ZNF362: variants seen among roughly 807,000 people sequenced by gnomAD.
ZNF362 encodes zinc finger protein 362.
In ZNF362, 11 loss-of-function variants were observed where a neutral mutation model predicts 42.9. The ratio of observed to expected loss-of-function variants is 0.26; its 90% CI spans 0.16 to 0.42. ZNF362 has a LOEUF of 0.42. ZNF362 is among the 20% of genes least tolerant of loss of function. The pLI is 1.00. For synonymous variants in ZNF362, 255 were observed against 257.3 expected (o/e 0.99, Z 0.09); for missense variants, 362 against 576.2 (o/e 0.63, Z 3.81).
At chr1:33,221,095 C>T in the ZNF362 span, among the ~76,000 whole-genome samples, 2 of 152,046 alleles carry the variant, frequency 1.3e-5, no homozygotes, top group Non-Finnish European at 2.9e-5. Context: ...TGCTGGGGGG[C>T]GGGGTGCCGA....
the ZNF362 span, among the ~76,000 whole-genome samples, chr1:33,160,451 C>G: frequency 6.6e-6 from 1 of 152,070 alleles, no homozygotes; most frequent in Non-Finnish European, 1.5e-5. Context: ...GTCACCCAGG[C>G]TGGAGTGTGA....
the ZNF362 span, among the ~76,000 whole-genome samples, chr1:33,227,860 CT>C: frequency 0.71 from 106,708 of 150,962 alleles, 37,793 homozygotes; most frequent in Admixed American, 0.74. Flanking sequence ...GGGAAGGGAT[CT>C]TTTTTTTTTC....
In ZNF362 at chr1:33,281,003, A is replaced by G. The variant is rs1645989737; in HGVS notation, c.683+546A>G. Among the ~76,000 whole-genome samples, 1 of 152,170 alleles carries G rather than the reference A, an allele frequency of 6.6e-6. No homozygotes were observed. The highest frequency in any genetic ancestry group is 1.5e-5 in the Non-Finnish European group (1 of 68,026). ...AGAATAACTCGAACTTGGGAGGCAG[A>G]GGCTGCAGTGAGCCGAGGTCGGGCC... On this transcript the variant is annotated intron_variant, in intron 5 of 8. Transcript: ENST00000539719. This position sits in a 1 kb window ranked among gnomAD's most constrained non-coding sequence, Gnocchi z 4.8.
the ZNF362 span, among the ~76,000 whole-genome samples, chr1:33,223,937 G>A: frequency 6.6e-6 from 1 of 151,296 alleles, no homozygotes; most frequent in Non-Finnish European, 1.5e-5. Context: ...GACCAGCTTT[G>A]GATCAGCTTA....
chr1:33,276,327 C>T lies in ZNF362; in HGVS notation c.103-21C>T, dbSNP rs1046465623. On this transcript the variant is annotated intron_variant, in intron 3 of 8. Coordinates refer to ENST00000539719, the MANE Select transcript of ZNF362 (RefSeq NM_152493.3). ...CGGGAGGTGGTCCAGACCTCCTCAG[C>T]CCGTCCTCTTCTTCCCGCAGCTGGA... 5.2e-6 allele frequency: 8 copies of T among 1,544,564 alleles called. No individual in the cohort carries two copies. In the African/African-American group the frequency reaches 5.5e-5, roughly 11 times the overall value.
chr1:33,249,513 C>CA, the ZNF362 span, among the ~76,000 whole-genome samples: 1 of 152,206 alleles, frequency 6.6e-6, no homozygotes, highest in African/African-American at 2.4e-5. Flanking sequence ...AAATGATACT[C>CA]AGAGTCTCCC....
At chr1:33,152,498 C>T in the ZNF362 span, among the ~76,000 whole-genome samples, 2 of 145,030 alleles carry the variant, frequency 1.4e-5, no homozygotes, top group East Asian at 2.2e-4. Context: ...ATCTGGGAGG[C>T]GGAGGTTGTG....
At chr1:33,135,142 T>C in the ZNF362 span, among the ~76,000 whole-genome samples, 1 of 152,094 alleles carries the variant, frequency 6.6e-6, no homozygotes, top group African/African-American at 2.4e-5. Context: ...AAAAAAAATT[T>C]AGCCGGGCAT....
intron 1 of ZNF362, among the ~76,000 whole-genome samples, 196 bp downstream of exon 1, chr1:33,256,850 G>T (rs1444050856): frequency 7.0e-6 from 1 of 142,488 alleles, no homozygotes; most frequent in African/African-American, 2.5e-5. Context: ...CGGCGGCAGC[G>T]GGGCGCGCGG....
intron 2 of ZNF362, 92 bp downstream of exon 2, chr1:33,270,704 T>G: frequency 2.1e-5 from 32 of 1,556,718 alleles, no homozygotes; most frequent in Non-Finnish European, 2.7e-5. Flanking sequence ...CTTCCCTGAG[T>G]GCCCCCGCTG....
At chr1:33,214,990 G>T in the ZNF362 span, among the ~76,000 whole-genome samples, 3 of 152,166 alleles carry the variant, frequency 2.0e-5, no homozygotes, top group Middle Eastern at 3.2e-3. Context: ...AATTCCACTA[G>T]TAGGTATACA....
the ZNF362 span, among the ~76,000 whole-genome samples, chr1:33,176,770 C>T: frequency 8.8e-4 from 134 of 152,330 alleles, no homozygotes; most frequent in Non-Finnish European, 1.7e-3. Flanking sequence ...AGCTGCGTGA[C>T]CAAATGAGTC....
At chr1:33,209,843 T>G in the ZNF362 span, among the ~76,000 whole-genome samples, 1 of 152,214 alleles carries the variant, frequency 6.6e-6, no homozygotes, top group African/African-American at 2.4e-5. Flanking sequence ...GCTAGTGGTC[T>G]ATGAATTTTG....
the ZNF362 span, among the ~76,000 whole-genome samples, chr1:33,157,389 T>C: frequency 3.3e-5 from 5 of 152,244 alleles, 1 homozygote; most frequent in Middle Eastern, 6.8e-3. Flanking sequence ...CGTGGCTCAC[T>C]CTTCTTCAGC....
the ZNF362 span, among the ~76,000 whole-genome samples, chr1:33,177,685 G>T: frequency 6.6e-6 from 1 of 152,142 alleles, no homozygotes; most frequent in East Asian, 1.9e-4. The surrounding 1 kb of genome is among the most constrained non-coding windows in gnomAD (Gnocchi z 4.1). Context: ...GGTGGAGTTT[G>T]CTACTGGCAT....
rs1197624038 is a variant in ZNF362, at chr1:33,266,236, G to A, written c.-88-4251G>A. On this transcript the variant is annotated intron_variant, in intron 1 of 8. Coordinates refer to ENST00000539719, the MANE Select transcript of ZNF362 (RefSeq NM_152493.3). The surrounding 1 kb of genome is among the most constrained non-coding windows in gnomAD (Gnocchi z 4.3). ...CTTCTGCACATGCTGCCCTTCTGCC[G>A]CAGTGGCTCTCCTGGCAAACTCGTC... 2.0e-5 allele frequency among the ~76,000 whole-genome samples: 3 copies of A among 152,178 alleles called. No homozygotes were observed. Among genetic ancestry groups the A allele is most frequent in the South Asian group, 2.1e-4 (1 of 4,832 alleles).
chr1:33,214,807 C>T, the ZNF362 span, among the ~76,000 whole-genome samples: 5 of 152,164 alleles, frequency 3.3e-5, no homozygotes, highest in Admixed American at 3.3e-4. Context: ...TATCATCTCA[C>T]CCCAGTTAAA....
At chr1:33,140,215 G>A in the ZNF362 span, among the ~76,000 whole-genome samples, 1 of 152,204 alleles carries the variant, frequency 6.6e-6, no homozygotes, top group Non-Finnish European at 1.5e-5. This position sits in a 1 kb window ranked among gnomAD's most constrained non-coding sequence, Gnocchi z 4.0. Context: ...GATGCTTACG[G>A]TGGCGATGAA....
At chr1:33,223,645 C>A in the ZNF362 span, among the ~76,000 whole-genome samples, 1 of 152,184 alleles carries the variant, frequency 6.6e-6, no homozygotes, top group Non-Finnish European at 1.5e-5. Context: ...GTAATCCCAG[C>A]ACTTTGGGAG....
Sources: gnomAD v4.1 joint callset for allele counts (sites outside exome capture counted in the v4.1 genomes callset) on GRCh38, gnomAD v4.1.1 for gene constraint, Gnocchi (gnomAD v3.1) non-coding constraint, MANE v1.5 for transcripts, NCBI Gene and HGNC (gene_info 2026-07-23, HGNC 2026-07-21) for gene names.